Variants in PCDHGA3 observed in about 807,000 individuals in gnomAD.
The protein encoded by PCDHGA3 is protocadherin gamma-A3.
PCDHGA3 carries 40 observed loss-of-function variants against 58.5 expected under a neutral mutation model. That is an observed-to-expected ratio of 0.68 (90% CI 0.53 to 0.89). The LOEUF (loss-of-function observed/expected upper bound fraction) is 0.89. Among genes scored for constraint, PCDHGA3 ranks in the 40% least tolerant of loss-of-function variants. PCDHGA3 has a pLI of 0.00. For missense variants in PCDHGA3, 1,223 were observed against 1,195.9 expected, an observed-to-expected ratio of 1.02 and a Z score of -0.33; for synonymous variants, 530 against 525.7, an observed-to-expected ratio of 1.01 and a Z score of -0.11.
chr5:141,361,548 C>G (rs374369531), intron 1 of PCDHGA3: 3 of 1,613,976 alleles, frequency 1.9e-6, no homozygotes, highest in Non-Finnish European at 2.5e-6. Flanking sequence ...GCGCCTCTAT[C>G]GCTCAAATCA....
chr5:141,370,752 A>G (rs1561547929), intron 1 of PCDHGA3: 1 of 1,613,836 alleles, frequency 6.2e-7, no homozygotes, highest in African/African-American at 1.3e-5. Flanking sequence ...TTTTCATGTA[A>G]CTGTGCTGAT....
chr5:141,395,080 A>G, intron 1 of PCDHGA3: 1 of 1,614,088 alleles, frequency 6.2e-7, no homozygotes, highest in Non-Finnish European at 8.5e-7. Flanking sequence ...TATTCCCAGG[A>G]AGTCTCCCTC....
intron 2 of PCDHGA3, among the ~76,000 whole-genome samples, chr5:141,498,436 A>G (rs566463876): frequency 6.6e-6 from 1 of 152,268 alleles, no homozygotes; most frequent in East Asian, 1.9e-4. Flanking sequence ...GGGGATGAAG[A>G]GGAGAGGTTC....
intron 1 of PCDHGA3, among the ~76,000 whole-genome samples, chr5:141,369,456 C>T (rs920730246): frequency 5.3e-5 from 8 of 152,070 alleles, no homozygotes; most frequent in Non-Finnish European, 8.8e-5. Flanking sequence ...TGCTTAAAGC[C>T]AGGTGTTCTA....
At chr5:141,430,140 A>C (rs1295602149) in intron 1 of PCDHGA3, among the ~76,000 whole-genome samples, 1 of 152,202 alleles carries the variant, frequency 6.6e-6, no homozygotes, top group Non-Finnish European at 1.5e-5. Context: ...CCTTCCATTC[A>C]GGATCATTCA....
chr5:141,360,230 A>G (rs1761484495), intron 1 of PCDHGA3: 1 of 1,613,852 alleles, frequency 6.2e-7, no homozygotes, highest in Non-Finnish European at 8.5e-7. Flanking sequence ...CTCCCAGTCC[A>G]GATCCGCTAT....
chr5:141,344,231 C>G lies in PCDHGA3; in HGVS notation c.198C>G (p.Ile66Met), dbSNP rs1350756695. The change falls in exon 1 of 4, where the codon ATC becomes ATG. Residue 66 changes from isoleucine to methionine, a missense_variant. Around this residue, in one of 3 missense-constraint regions of PCDHGA3, gnomAD observed 791 missense variants for 708.5 expected, o/e 1.12. Coordinates refer to ENST00000253812, the MANE Select transcript of PCDHGA3 (RefSeq NM_018916.4). ...AGCTGGCGGAGCGCGGAGTCCGCAT[C>G]GTCTCCAGAGGTAGGACGCAGCTTT... ...PRELAERGVRIVSRGRTQLFS... is the reference protein window; with the variant it reads ...PRELAERGVRMVSRGRTQLFS... 24 of 1,613,918 alleles carry G rather than the reference C, an allele frequency of 1.5e-5. No individual in the cohort carries two copies. Among genetic ancestry groups the G allele is most frequent in the African/African-American group, 2.7e-5 (2 of 74,940 alleles).
At chr5:141,446,049 G>T (rs1043671484) in intron 1 of PCDHGA3, among the ~76,000 whole-genome samples, 1 of 152,100 alleles carries the variant, frequency 6.6e-6, no homozygotes, top group African/African-American at 2.4e-5. Context: ...AAGAAGAGCT[G>T]GCTTGGATTA....
chr5:141,474,516 T>G (rs999585038), intron 1 of PCDHGA3, among the ~76,000 whole-genome samples: 1 of 152,240 alleles, frequency 6.6e-6, no homozygotes, highest in Non-Finnish European at 1.5e-5. Context: ...GCCCTCTTGC[T>G]GGTCTGGCTA....
At chr5:141,356,373 A>G (rs1377588447) in intron 1 of PCDHGA3, 22 of 1,562,508 alleles carry the variant, frequency 1.4e-5, no homozygotes, top group Non-Finnish European at 1.8e-5. Context: ...ATAATCTGCC[A>G]TTCACACTTG....
intron 1 of PCDHGA3, among the ~76,000 whole-genome samples, chr5:141,425,922 A>G (rs1485934946): frequency 6.6e-6 from 1 of 152,240 alleles, no homozygotes; most frequent in Non-Finnish European, 1.5e-5. Context: ...TCACTACGAA[A>G]ACTCATAAAA....
intron 1 of PCDHGA3, chr5:141,400,421 G>A (rs1158396440): frequency 1.2e-6 from 2 of 1,613,948 alleles, no homozygotes. Flanking sequence ...TTCCTAAAAT[G>A]TAGTGAGCAA....
At position 141,419,312 on chromosome 5, in the gene PCDHGA3, G is replaced by C. The variant is rs35892780; in HGVS notation, c.2424+72855G>C. On this transcript the variant is annotated intron_variant, in intron 1 of 3. Transcript: ENST00000253812. ...CTCTGACCCAGACTTCGGGCTCAAC[G>C]GCCGTGTCTCCTACTCTCTCATTGC... 1.0e-3 allele frequency: 1,689 copies of C among 1,613,962 alleles called. 4 individuals are homozygous for C. Among genetic ancestry groups the C allele is most frequent in the Middle Eastern group, 5.3e-3 (32 of 6,062 alleles).
intron 1 of PCDHGA3, chr5:141,395,547 TGTGTGTGTGTGTGTGTG>T (rs2093270399): frequency 1.4e-4 from 25 of 174,246 alleles, no homozygotes; most frequent in Middle Eastern, 2.2e-3. Context: ...ATTGTTTGTG[TGTGTGTGTGTGTGTGTG>T]TGTGTGTGTG....
Position 141,477,337 on chromosome 5 carries a change from C to T in PCDHGA3, c.2425-17470C>T. ...TTACTTCTTCCCTCAAGAATTACTT[C>T]ACTTTGAAAACCAGTGCAGACCTGG... On this transcript the variant is annotated intron_variant, in intron 1 of 3. Transcript: ENST00000253812. The surrounding 1 kb of genome is among the most constrained non-coding windows in gnomAD (Gnocchi z 4.9). The T allele has an allele frequency of 1.2e-6, 2 of 1,614,166 alleles. No individual in the cohort carries two copies. Among genetic ancestry groups the T allele is most frequent in the Non-Finnish European group, 1.7e-6 (2 of 1,180,028 alleles).
chr5:141,389,991 G>T (rs561094692), intron 1 of PCDHGA3: 2 of 1,614,016 alleles, frequency 1.2e-6, no homozygotes, highest in African/African-American at 2.7e-5. Flanking sequence ...GCTCTTCCTC[G>T]TGGCCATGAT....
chr5:141,430,632 C>T, intron 1 of PCDHGA3: 1 of 852,604 alleles, frequency 1.2e-6, no homozygotes, highest in Non-Finnish European at 1.7e-6. Flanking sequence ...AATGAACCAT[C>T]CCTGGGAGTA....
intron 1 of PCDHGA3, chr5:141,398,772 G>A: frequency 6.2e-7 from 1 of 1,613,910 alleles, no homozygotes; most frequent in South Asian, 1.1e-5. Flanking sequence ...TGACTGCCTT[G>A]GACGGTGGAC....
rs771647688 is a variant in PCDHGA3 at position 141,399,795 on chromosome 5, G to A, written c.2424+53338G>A. 10 of 1,613,202 alleles carry A rather than the reference G, an allele frequency of 6.2e-6. No individual in the cohort carries two copies. In the South Asian group the frequency reaches 8.8e-5, roughly 14 times the overall value. On this transcript the variant is annotated intron_variant, in intron 1 of 3. Transcript: ENST00000253812. ...TGGGCGACCGAAACGACAACGCACC[G>A]CGGGTGCTGTACCCCGCGCTGGGTC...
Sources: allele counts gnomAD v4.1 joint callset (sites outside exome capture counted in the v4.1 genomes callset), GRCh38; gene constraint gnomAD v4.1.1; regional missense constraint gnomAD v4.1.1; non-coding constraint Gnocchi (gnomAD v3.1); transcripts MANE v1.5; gene names NCBI Gene and HGNC (gene_info 2026-07-23, HGNC 2026-07-21).